Variants in DOCK3 observed in about 807,000 individuals in gnomAD.
The protein encoded by DOCK3 is dedicator of cytokinesis 3.
Under a neutral mutation model 265.6 loss-of-function variants are expected in DOCK3, and 60 were observed. That is an observed-to-expected ratio of 0.23 (90% CI 0.18 to 0.28). DOCK3 has a LOEUF of 0.28. Ranked by LOEUF, DOCK3 falls within the 10% of genes least tolerant of loss-of-function variation. The pLI, the probability that DOCK3 is intolerant of heterozygous loss-of-function variation, is 1.00. For missense variants in DOCK3, 1,981 were observed against 2,594.3 expected (o/e 0.76, Z 5.14); for synonymous variants, 881 against 938.0 (o/e 0.94, Z 1.11).
intron 49 of DOCK3, among the ~76,000 whole-genome samples, chr3:51,363,101 C>G (rs922615322): frequency 1.3e-5 from 2 of 152,200 alleles, no homozygotes; most frequent in Non-Finnish European, 2.9e-5. Context: ...ATAACAGCAA[C>G]CAAAAAATTT....
At chr3:50,706,684 C>G (rs1465832071) in intron 1 of DOCK3, among the ~76,000 whole-genome samples, 4 of 152,062 alleles carry the variant, frequency 2.6e-5, no homozygotes, top group African/African-American at 7.2e-5. Flanking sequence ...GGCAAGTTTT[C>G]TATACTTTTG....
chr3:51,171,043 T>C (rs951827185), intron 12 of DOCK3, among the ~76,000 whole-genome samples: 9 of 152,184 alleles, frequency 5.9e-5, no homozygotes, highest in African/African-American at 1.9e-4. Flanking sequence ...CGTCTCTATT[T>C]CATTTATTTT....
chr3:50,749,274 G>A (rs1014542318), intron 1 of DOCK3, among the ~76,000 whole-genome samples: 2 of 152,164 alleles, frequency 1.3e-5, no homozygotes, highest in South Asian at 4.1e-4. Context: ...TTACATAGCT[G>A]TAGGTGAAAC....
chr3:50,722,389 C>T (rs1264120986), intron 1 of DOCK3, among the ~76,000 whole-genome samples: 12 of 152,172 alleles, frequency 7.9e-5, no homozygotes, highest in Admixed American at 7.9e-4. Context: ...TACCAGTGCC[C>T]AGATTCCTAA....
intron 26 of DOCK3, among the ~76,000 whole-genome samples, chr3:51,279,245 T>A (rs766882475): frequency 3.3e-5 from 5 of 152,002 alleles, no homozygotes; most frequent in Non-Finnish European, 5.9e-5. Flanking sequence ...AGAGCAAAAC[T>A]CCATCCCAAA....
rs376850872 is a variant in DOCK3 at position 50,715,180 on chromosome 3, A to G, written c.37+39880A>G. 3.9e-5 allele frequency among the ~76,000 whole-genome samples: 6 copies of G among 152,342 alleles called. No homozygotes were observed. In the East Asian group the frequency reaches 7.7e-4, roughly 20 times the overall value. ...ATGTACTGAATGTTGAGAAATGACTATCATAATTAACTTTGCTCGGGTGGA... is the reference window on the plus strand; with the variant it reads ...ATGTACTGAATGTTGAGAAATGACTGTCATAATTAACTTTGCTCGGGTGGA... On this transcript the variant is annotated intron_variant, in intron 1 of 52. Transcript: ENST00000266037.
At position 50,918,330 on chromosome 3, in the gene DOCK3, G is replaced by A. The variant is rs558620408; in HGVS notation, c.219-15651G>A. Among the ~76,000 whole-genome samples the A allele has an allele frequency of 6.8e-4, 103 of 152,216 alleles. 1 individual carries two copies. The South Asian group carries it at 0.02, about 30-fold the overall frequency. ...TCTAGTTCTAGATCCTTGAGGAATC[G>A]CCACACTGTCTTCCATAATGGTTGA... On this transcript the variant is annotated intron_variant, in intron 4 of 52. Coordinates refer to ENST00000266037, the MANE Select transcript of DOCK3 (RefSeq NM_004947.5).
intron 23 of DOCK3, among the ~76,000 whole-genome samples, chr3:51,267,144 C>T (rs1262273457): frequency 3.3e-5 from 5 of 152,026 alleles, no homozygotes; most frequent in Non-Finnish European, 7.4e-5. Context: ...GTTAGAATGG[C>T]GATCATTAAA....
At chr3:50,677,163 G>T (rs917821670) in intron 1 of DOCK3, among the ~76,000 whole-genome samples, 1 of 152,220 alleles carries the variant, frequency 6.6e-6, no homozygotes, top group Non-Finnish European at 1.5e-5. Context: ...AAATGAGAGA[G>T]ACAGTTACAC....
Position 51,330,194 on chromosome 3 carries a change from C to A in DOCK3, c.3459C>A (p.Asp1153Glu). 6.2e-7 allele frequency: 1 copy of A among 1,604,318 alleles called. No homozygotes were observed. The highest frequency in any genetic ancestry group is 8.5e-7 in the Non-Finnish European group (1 of 1,175,522). ...LDSMVSEGKG[D>E]ESYRELFSLL... ...GCATGGTGTCAGAAGGGAAAGGTGACGAGAGCTACAGGGAGCTCTTCAGCC... is the reference window on the plus strand; with the variant it reads ...GCATGGTGTCAGAAGGGAAAGGTGAAGAGAGCTACAGGGAGCTCTTCAGCC... Residue 1153 changes from aspartate (D) to glutamate (E), a missense_variant, in exon 33 of 53, where the codon GAC becomes GAA. Around this residue, in one of 4 missense-constraint regions of DOCK3, gnomAD observed 1,357 missense variants for 1,866.8 expected, o/e 0.73. Coordinates refer to ENST00000266037, the MANE Select transcript of DOCK3 (RefSeq NM_004947.5).
At chr3:50,908,231 C>T (rs1022653183) in intron 4 of DOCK3, among the ~76,000 whole-genome samples, 4 of 105,678 alleles carry the variant, frequency 3.8e-5, no homozygotes, top group Non-Finnish European at 5.6e-5. Context: ...TATTTCACGT[C>T]TGCTCTGATC....
intron 9 of DOCK3, among the ~76,000 whole-genome samples, chr3:51,115,101 A>G (rs1207841062): frequency 6.6e-6 from 1 of 152,146 alleles, no homozygotes; most frequent in Non-Finnish European, 1.5e-5. Context: ...GCTGCAATAA[A>G]CATATGTGTG....
intron 3 of DOCK3, among the ~76,000 whole-genome samples, chr3:50,864,387 G>A (rs993053274): frequency 3.3e-5 from 5 of 151,732 alleles, no homozygotes; most frequent in East Asian, 1.9e-4. Flanking sequence ...ATTTCCTTTC[G>A]TTCTGTAGGT....
At chr3:50,752,995 C>T (rs186165580) in intron 1 of DOCK3, among the ~76,000 whole-genome samples, 2 of 152,148 alleles carry the variant, frequency 1.3e-5, no homozygotes, top group Admixed American at 6.5e-5. Context: ...CTCTAAAAGG[C>T]TAGATAGTAA....
chr3:50,976,295 C>T lies in DOCK3; in HGVS notation c.315+42218C>T, dbSNP rs567786041. Among the ~76,000 whole-genome samples the T allele has an allele frequency of 5.7e-5, 7 of 123,582 alleles. No individual in the cohort carries two copies. In the South Asian group the frequency reaches 1.7e-3, roughly 31 times the overall value. The allele number at this position is 123,582 out of a possible 152,430, so 81.1% of individuals were successfully genotyped here. A position where few individuals can be genotyped will look rare whatever the true frequency, so the allele number is the denominator to read the frequency against. On this transcript the variant is annotated intron_variant, in intron 5 of 52. Coordinates refer to ENST00000266037, the MANE Select transcript of DOCK3 (RefSeq NM_004947.5). ...GTGGGCATTTAGTGCTATAAATTTC[C>T]CACTACACACTGCTTTCAATGTGTC... is the stretch of plus-strand genomic sequence containing the variant.
chr3:51,254,832 T>C (rs1229153941), intron 22 of DOCK3, among the ~76,000 whole-genome samples: 2 of 152,272 alleles, frequency 1.3e-5, no homozygotes, highest in South Asian at 2.1e-4. Flanking sequence ...ATTTGCCAGT[T>C]TGTGTCTTTT....
chr3:50,719,835 T>C (rs2037362219), intron 1 of DOCK3: 2 of 745,250 alleles, frequency 2.7e-6, no homozygotes, highest in Non-Finnish European at 5.0e-6. Flanking sequence ...GGAACACTTA[T>C]AACCAAATGC....
At chr3:50,855,996 C>G (rs1311338588) in intron 3 of DOCK3, among the ~76,000 whole-genome samples, 2 of 152,264 alleles carry the variant, frequency 1.3e-5, no homozygotes, top group Admixed American at 1.3e-4. Flanking sequence ...TCCATCCATG[C>G]CCCTGCAAAG....
At chr3:50,986,649 A>T (rs1184252610) in intron 5 of DOCK3, among the ~76,000 whole-genome samples, 3 of 152,200 alleles carry the variant, frequency 2.0e-5, no homozygotes, top group Non-Finnish European at 4.4e-5. Flanking sequence ...CTCTGTTAAC[A>T]TTATACCGAA....
Sources: allele counts gnomAD v4.1 joint callset (sites outside exome capture counted in the v4.1 genomes callset), GRCh38; gene constraint gnomAD v4.1.1; regional missense constraint gnomAD v4.1.1; transcripts MANE v1.5; gene names NCBI Gene and HGNC (gene_info 2026-07-23, HGNC 2026-07-21).